Variants in EFL1 observed in about 807,000 individuals in gnomAD.
EFL1 encodes the protein elongation factor-like GTPase 1.
A neutral mutation model predicts 126.7 loss-of-function variants in EFL1; 76 were observed. The ratio of observed to expected loss-of-function variants is 0.60; its 90% confidence interval spans 0.50 to 0.73. The LOEUF (loss-of-function observed/expected upper bound fraction) is 0.73. Ranked by LOEUF, EFL1 falls within the 30% of genes least tolerant of loss-of-function variation. The pLI, the probability that EFL1 is intolerant of heterozygous loss-of-function variation, is 0.00. For synonymous variants in EFL1, 410 were observed against 448.4 expected, an observed-to-expected ratio of 0.91 and a Z score of 1.08; for missense variants, 1,128 against 1,343.2, an observed-to-expected ratio of 0.84 and a Z score of 2.50.
At chr15:82,202,814 A>ATTT (rs113767734) in intron 15 of EFL1, among the ~76,000 whole-genome samples, 1 of 145,636 alleles carries the variant, frequency 6.9e-6, no homozygotes. Flanking sequence ...GTGTTCCCTA[A>ATTT]TTTTTTTTTT....
At chr15:82,219,114 C>T (rs1380491497) in intron 14 of EFL1, among the ~76,000 whole-genome samples, 4 of 152,216 alleles carry the variant, frequency 2.6e-5, no homozygotes, top group African/African-American at 9.6e-5. Context: ...ATCTTGCTTA[C>T]TTCCAAAAAT....
chr15:82,180,427 T>A (rs2074241116), intron 15 of EFL1, among the ~76,000 whole-genome samples: 1 of 144,920 alleles, frequency 6.9e-6, no homozygotes, highest in East Asian at 2.0e-4. Flanking sequence ...TAAAATATAG[T>A]GATTATCACT....
intron 15 of EFL1, among the ~76,000 whole-genome samples, chr15:82,172,627 C>T (rs1413283519): frequency 1.3e-5 from 2 of 152,070 alleles, no homozygotes; most frequent in Non-Finnish European, 2.9e-5. Context: ...TTAATATACA[C>T]CGAATTTTCA....
intron 17 of EFL1, among the ~76,000 whole-genome samples, chr15:82,155,644 G>C (rs530508832): frequency 6.6e-6 from 1 of 152,324 alleles, no homozygotes; most frequent in South Asian, 2.1e-4. Flanking sequence ...CATCTTAGCA[G>C]ATCATACCAA....
intron 15 of EFL1, among the ~76,000 whole-genome samples, chr15:82,167,734 G>T (rs28729156): frequency 0.012 from 1,793 of 152,238 alleles, 30 homozygotes; most frequent in African/African-American, 0.041. Flanking sequence ...ATAGGGAACA[G>T]AATTACCATC....
chr15:82,254,188 C>G (rs745725075), intron 3 of EFL1, among the ~76,000 whole-genome samples: 1 of 152,204 alleles, frequency 6.6e-6, no homozygotes, highest in African/African-American at 2.4e-5. Context: ...TCCAGTGCAG[C>G]ATGACAGTTA....
rs749418144 is a variant in EFL1, at chr15:82,219,853, T to C, written c.1445-35A>G. On this transcript the variant is annotated intron_variant, in intron 13 of 19. Transcript: ENST00000268206. ...ACAAAAAGATAATTAGTGCCAAGAA[T>C]GCCCTCTTAATTCAAGAACTGTCTG... The C allele has an allele frequency of 8.9e-6, 14 of 1,577,722 alleles. No homozygotes were observed. In the East Asian group the frequency reaches 2.7e-4, roughly 30 times the overall value.
At chr15:82,244,036 A>C (rs1398087378) in intron 4 of EFL1, among the ~76,000 whole-genome samples, 3 of 152,162 alleles carry the variant, frequency 2.0e-5, no homozygotes, top group African/African-American at 7.2e-5. Context: ...AATATATTTA[A>C]TGGTGAGAAG....
At chr15:82,259,264 T>C in intron 2 of EFL1, 109 bp from the exon 3 acceptor site, 1 of 933,004 alleles carries the variant, frequency 1.1e-6, no homozygotes. Context: ...GTAAAGATTT[T>C]CTATTTACCT....
intron 14 of EFL1, among the ~76,000 whole-genome samples, chr15:82,217,866 T>C (rs1334653218): frequency 6.6e-6 from 1 of 152,216 alleles, no homozygotes; most frequent in Non-Finnish European, 1.5e-5. Flanking sequence ...GGAGATTCCT[T>C]CTACTCTCTT....
intron 16 of EFL1, among the ~76,000 whole-genome samples, chr15:82,163,502 C>T (rs1433466320): frequency 6.6e-6 from 1 of 152,132 alleles, no homozygotes; most frequent in Non-Finnish European, 1.5e-5. Context: ...CACCAGTGTA[C>T]TCTAGCCTGC....
At chr15:82,247,939 C>T (rs1251152902) in intron 4 of EFL1, among the ~76,000 whole-genome samples, 2 of 152,048 alleles carry the variant, frequency 1.3e-5, no homozygotes, top group Non-Finnish European at 2.9e-5. Flanking sequence ...ATAACTCAAG[C>T]CTCAGGAGGA....
intron 15 of EFL1, among the ~76,000 whole-genome samples, chr15:82,187,215 T>C (rs1159159405): frequency 6.6e-6 from 1 of 152,212 alleles, no homozygotes; most frequent in East Asian, 1.9e-4. Context: ...AGGCCAACAT[T>C]GTGACATATG....
intron 4 of EFL1, among the ~76,000 whole-genome samples, chr15:82,246,093 C>G (rs1033174780): frequency 1.3e-5 from 2 of 152,088 alleles, no homozygotes; most frequent in Non-Finnish European, 2.9e-5. Flanking sequence ...CACGTACAGA[C>G]CACTTCTGAT....
At chr15:82,144,970 C>T in intron 18 of EFL1, among the ~76,000 whole-genome samples, 1 of 146,666 alleles carries the variant, frequency 6.8e-6, no homozygotes, top group Non-Finnish European at 1.5e-5. Context: ...TCCAGCTGGG[C>T]AACAGAGCAA....
At chr15:82,200,315 G>C (rs1017805288) in intron 15 of EFL1, among the ~76,000 whole-genome samples, 2 of 152,228 alleles carry the variant, frequency 1.3e-5, no homozygotes, top group Non-Finnish European at 2.9e-5. Context: ...GAAAGCAGTA[G>C]TGGAGCTTAA....
At chr15:82,224,991 C>T (rs937110607) in intron 12 of EFL1, among the ~76,000 whole-genome samples, 174 bp downstream of exon 12, 12 of 152,188 alleles carry the variant, frequency 7.9e-5, no homozygotes, top group Non-Finnish European at 1.3e-4. Flanking sequence ...ACAGAGGTAT[C>T]ACAAAAGGAT....
At chr15:82,241,793 T>C (rs1335216912) in intron 4 of EFL1, among the ~76,000 whole-genome samples, 3 of 152,236 alleles carry the variant, frequency 2.0e-5, no homozygotes, top group Non-Finnish European at 4.4e-5. Flanking sequence ...CCTAAGGGCC[T>C]GACAGTAAGA....
intron 4 of EFL1, among the ~76,000 whole-genome samples, chr15:82,244,593 C>T (rs562594697): frequency 2.6e-5 from 4 of 152,198 alleles, no homozygotes; most frequent in South Asian, 2.1e-4. Context: ...AAGCAACAAT[C>T]CAATCTTTTT....
Sources: gnomAD v4.1 joint callset for allele counts (sites outside exome capture counted in the v4.1 genomes callset) on GRCh38, gnomAD v4.1.1 for gene constraint, MANE v1.5 for transcripts, NCBI Gene and HGNC (gene_info 2026-07-23, HGNC 2026-07-21) for gene names.